ADGB: variants seen among roughly 807,000 people sequenced by gnomAD.
ADGB encodes calpain-7-like protein.
Under a neutral mutation model 210.5 loss-of-function variants are expected in ADGB, and 172 were observed. The ratio of observed to expected loss-of-function variants is 0.82; its 90% confidence interval spans 0.72 to 0.93. The LOEUF (loss-of-function observed/expected upper bound fraction) is 0.93, where lower values mean the gene tolerates loss of function less well. ADGB is among the 40% of genes least tolerant of loss of function. The pLI, the probability that ADGB is intolerant of heterozygous loss-of-function variation, is 0.00. For missense variants in ADGB, 2,025 were observed against 1,964.8 expected, an observed-to-expected ratio of 1.03 and a Z score of -0.58; for synonymous variants, 658 against 662.7, an observed-to-expected ratio of 0.99 and a Z score of 0.11.
chr6:146,814,952 A>G, intron 35 of ADGB, 80 bp from the exon 36 acceptor site: 1 of 1,380,580 alleles, frequency 7.2e-7, no homozygotes, highest in Non-Finnish European at 9.8e-7. Flanking sequence ...GACAGGGTAA[A>G]GGAATTTCAT....
intron 6 of ADGB, among the ~76,000 whole-genome samples, chr6:146,666,204 T>C (rs1775935610): frequency 6.6e-6 from 1 of 152,084 alleles, no homozygotes; most frequent in Admixed American, 6.6e-5. Context: ...TTTTTGCATG[T>C]AAATGTAAAT....
At chr6:146,634,336 C>A (rs1469527325) in intron 1 of ADGB, among the ~76,000 whole-genome samples, 3 of 152,068 alleles carry the variant, frequency 2.0e-5, no homozygotes, top group Non-Finnish European at 4.4e-5. Flanking sequence ...TGTTGATAAG[C>A]AGTGTGTTAC....
At chr6:146,766,634 T>C (rs889592761) in intron 28 of ADGB, among the ~76,000 whole-genome samples, 1 of 151,998 alleles carries the variant, frequency 6.6e-6, no homozygotes, top group Non-Finnish European at 1.5e-5. Flanking sequence ...GTCTTCCCTT[T>C]CCAAAAAACC....
At chr6:146,643,099 C>A (rs1399102560) in intron 2 of ADGB, among the ~76,000 whole-genome samples, 1 of 151,740 alleles carries the variant, frequency 6.6e-6, no homozygotes, top group Non-Finnish European at 1.5e-5. Flanking sequence ...GTGGGGAAAC[C>A]CCAGAAGTGT....
intron 35 of ADGB, chr6:146,807,371 ATTAT>A (rs1175335720): frequency 6.5e-7 from 1 of 1,545,818 alleles, no homozygotes; most frequent in Non-Finnish European, 8.7e-7. Flanking sequence ...TACCAGTGGA[ATTAT>A]TTGTTTGGGG....
chr6:146,804,931 C>T (rs1193786659), intron 35 of ADGB, among the ~76,000 whole-genome samples: 1 of 152,142 alleles, frequency 6.6e-6, no homozygotes, highest in Non-Finnish European at 1.5e-5. Flanking sequence ...ACAGATAATA[C>T]CTAAATAAAT....
chr6:146,685,882 C>A, intron 10 of ADGB, 54 bp downstream of exon 10: 1 of 1,119,630 alleles, frequency 8.9e-7, no homozygotes, highest in Non-Finnish European at 1.2e-6. Context: ...TGTGGGTGCA[C>A]GTGTGTGTGT....
Position 146,691,200 on chromosome 6 carries a change from C to T in ADGB, c.1396C>T (p.Pro466Ser), listed in dbSNP as rs375193603. The change falls in exon 11 of 36, where the codon CCT (proline) becomes TCT (serine). Residue 466 changes from proline to serine, a missense_variant. Physicochemically the swap from Pro to Ser is moderately conservative, Grantham distance 74 (BLOSUM62 -1). Coordinates refer to ENST00000397944, the MANE Select transcript of ADGB (RefSeq NM_024694.4). ...PVLVTRSRSC[P>S]LVAPPKPPPL... The stretch of plus-strand genomic sequence containing the variant: ...GCTGGTGACTAGAAGTAGGTCTTGT[C>T]CTCTGGTAGCACCACCAAAACCACC... 3.2e-6 allele frequency: 5 copies of T among 1,549,328 alleles called. No individual in the cohort carries two copies. Among genetic ancestry groups the T allele is most frequent in the Non-Finnish European group, 4.4e-6 (5 of 1,146,378 alleles).
chr6:146,696,101 G>T (rs1176728204), intron 12 of ADGB, among the ~76,000 whole-genome samples: 4 of 150,538 alleles, frequency 2.7e-5, no homozygotes, highest in Non-Finnish European at 5.9e-5. Context: ...TCCCGAGATG[G>T]AGTCTGCTCT....
At chr6:146,699,343 A>G (rs905980868) in intron 12 of ADGB, among the ~76,000 whole-genome samples, 1 of 152,100 alleles carries the variant, frequency 6.6e-6, no homozygotes, top group Non-Finnish European at 1.5e-5. Flanking sequence ...AGGTAACGAG[A>G]ATCCAGGGAG....
intron 35 of ADGB, chr6:146,803,757 G>C (rs369286126): frequency 7.1e-6 from 5 of 701,302 alleles, no homozygotes; most frequent in African/African-American, 5.4e-5. Flanking sequence ...CCTCAGCCCA[G>C]CCTCCGCGCT....
intron 5 of ADGB, 114 bp from the exon 6 acceptor site, chr6:146,664,087 T>C (rs1448949256): frequency 9.8e-7 from 1 of 1,023,996 alleles, no homozygotes; most frequent in Non-Finnish European, 1.4e-6. Flanking sequence ...CAGTGTAAGA[T>C]GCTAAAATAA....
chr6:146,699,234 A>C (rs1776453398), intron 12 of ADGB, among the ~76,000 whole-genome samples: 1 of 152,164 alleles, frequency 6.6e-6, no homozygotes, highest in Non-Finnish European at 1.5e-5. Context: ...GCTGTCTGCA[A>C]GCTGGGGAAC....
intron 27 of ADGB, among the ~76,000 whole-genome samples, chr6:146,763,331 A>C (rs11155488): frequency 0.2 from 30,919 of 152,162 alleles, 3,575 homozygotes; most frequent in Middle Eastern, 0.29. Flanking sequence ...TCCCTGTGTC[A>C]GTCACTTATG....
At chr6:146,778,616 T>G (rs779091703) in intron 29 of ADGB, among the ~76,000 whole-genome samples, 1 of 152,186 alleles carries the variant, frequency 6.6e-6, no homozygotes, top group Non-Finnish European at 1.5e-5. Context: ...TTACTCACTT[T>G]TAAATCAGTC....
chr6:146,663,585 A>G (rs1775897194), intron 5 of ADGB, among the ~76,000 whole-genome samples: 1 of 152,088 alleles, frequency 6.6e-6, no homozygotes, highest in Non-Finnish European at 1.5e-5. Flanking sequence ...GTATGTATAC[A>G]CACATAGACA....
intron 23 of ADGB, among the ~76,000 whole-genome samples, chr6:146,740,237 G>A (rs912017586): frequency 1.3e-5 from 2 of 152,028 alleles, no homozygotes; most frequent in Non-Finnish European, 2.9e-5. Context: ...AGATAACCTT[G>A]GGCACCTTTG....
chr6:146,734,444 G>A (rs900994240), intron 22 of ADGB, among the ~76,000 whole-genome samples: 2 of 152,182 alleles, frequency 1.3e-5, no homozygotes, highest in Non-Finnish European at 2.9e-5. Context: ...AAACAAATGA[G>A]TGAATAATTA....
At chr6:146,717,472 T>C in intron 15 of ADGB, 64 bp from the exon 16 acceptor site, 1 of 873,232 alleles carries the variant, frequency 1.1e-6, no homozygotes, top group Non-Finnish European at 1.7e-6. Flanking sequence ...TATAAGAAAC[T>C]TAACATGTAG....
Sources: gnomAD v4.1 joint callset for allele counts (sites outside exome capture counted in the v4.1 genomes callset) on GRCh38, gnomAD v4.1.1 for gene constraint, MANE v1.5 for transcripts, NCBI Gene and HGNC (gene_info 2026-07-23, HGNC 2026-07-21) for gene names.